Variants in CNTNAP2 observed in about 807,000 individuals in gnomAD.
The protein encoded by CNTNAP2 is contactin associated protein 2.
A neutral mutation model predicts 155.2 loss-of-function variants in CNTNAP2; 98 were observed. The ratio of observed to expected loss-of-function variants is 0.63; its 90% CI spans 0.54 to 0.75. The LOEUF (loss-of-function observed/expected upper bound fraction) is 0.75, where lower values mean the gene tolerates loss of function less well. CNTNAP2 is among the 30% of genes least tolerant of loss of function. CNTNAP2 has a pLI of 0.00. For missense variants in CNTNAP2, 1,727 were observed against 1,688.1 expected (o/e 1.02, Z -0.40); for synonymous variants, 651 against 631.2 (o/e 1.03, Z -0.47).
At chr7:146,954,641 C>T (rs1473767767) in intron 3 of CNTNAP2, among the ~76,000 whole-genome samples, 13 of 151,440 alleles carry the variant, frequency 8.6e-5, no homozygotes, top group African/African-American at 2.9e-4. Flanking sequence ...GTTTCTATAT[C>T]TTTTTGTTTT....
At chr7:146,516,915 C>T (rs1797550000) in intron 1 of CNTNAP2, among the ~76,000 whole-genome samples, 1 of 151,962 alleles carries the variant, frequency 6.6e-6, no homozygotes, top group South Asian at 2.1e-4. Context: ...GTAATTTAAT[C>T]CTCTTCTTCA....
At chr7:147,599,172 G>GTGAT in intron 12 of CNTNAP2, among the ~76,000 whole-genome samples, 1 of 152,122 alleles carries the variant, frequency 6.6e-6, no homozygotes, top group East Asian at 1.9e-4. Flanking sequence ...GTAAAGTTGA[G>GTGAT]TGATAGATTA....
chr7:147,459,299 T>C (rs924348540), intron 10 of CNTNAP2, among the ~76,000 whole-genome samples: 7 of 152,196 alleles, frequency 4.6e-5, no homozygotes, highest in Admixed American at 3.9e-4. Flanking sequence ...ACATTCTGCT[T>C]GAAAGCTGAG....
At chr7:146,567,132 C>T (rs1798369514) in intron 1 of CNTNAP2, among the ~76,000 whole-genome samples, 1 of 152,234 alleles carries the variant, frequency 6.6e-6, no homozygotes, top group Non-Finnish European at 1.5e-5. Context: ...ACTTCTGCCA[C>T]CCTTCTGTAA....
At chr7:147,126,766 C>G (rs1366686204) in intron 6 of CNTNAP2, among the ~76,000 whole-genome samples, 13 of 152,174 alleles carry the variant, frequency 8.5e-5, no homozygotes, top group African/African-American at 2.7e-4. Flanking sequence ...AGCCACCATG[C>G]CTGGCCCACC....
intron 12 of CNTNAP2, among the ~76,000 whole-genome samples, chr7:147,598,848 A>T (rs979611070): frequency 7.9e-5 from 12 of 152,054 alleles, no homozygotes; most frequent in African/African-American, 2.9e-4. Flanking sequence ...TGGTTTTATA[A>T]GGGGCTTTTC....
At chr7:148,332,806 C>T (rs563085891) in intron 21 of CNTNAP2, among the ~76,000 whole-genome samples, 4 of 152,234 alleles carry the variant, frequency 2.6e-5, no homozygotes, top group East Asian at 1.9e-4. Context: ...CAGGGCTCCA[C>T]GCTGGAAACG....
rs1554411723 is a variant in CNTNAP2 at position 148,283,254 on chromosome 7, A to AG, written c.3475+16128_3475+16129insG. ...AACTCTGTCTCAAAAAAAAAAAAAA[A>AG]AAAAGAAAGAAAGAAAGAAAGAAAG... On this transcript the variant is annotated intron_variant, in intron 21 of 23. Coordinates refer to ENST00000361727, the MANE Select transcript of CNTNAP2 (RefSeq NM_014141.6). Among the ~76,000 whole-genome samples, 118 of 64,034 alleles carry AG rather than the reference A, an allele frequency of 1.8e-3. 5 individuals carry two copies. Among genetic ancestry groups the AG allele is most frequent in the South Asian group, 0.015 (17 of 1,172 alleles). 42.0% of individuals were successfully genotyped at this position (64,034 alleles called of 152,430 possible).
intron 18 of CNTNAP2, among the ~76,000 whole-genome samples, chr7:148,204,488 G>A (rs202005135): frequency 1.3e-3 from 198 of 152,310 alleles, no homozygotes; most frequent in East Asian, 5.0e-3. Context: ...CATCAACTTC[G>A]ACTTTGAAAT....
intron 8 of CNTNAP2, among the ~76,000 whole-genome samples, chr7:147,280,838 A>G (rs1273718495): frequency 3.3e-5 from 5 of 151,908 alleles, no homozygotes; most frequent in African/African-American, 1.2e-4. Context: ...TTTCATTGTT[A>G]TTGTAGAAAT....
At position 146,225,350 on chromosome 7, in the gene CNTNAP2, G is replaced by T. The variant is rs868414915; in HGVS notation, c.97+108377G>T. On this transcript the variant is annotated intron_variant, in intron 1 of 23. Coordinates refer to ENST00000361727, the MANE Select transcript of CNTNAP2 (RefSeq NM_014141.6). The stretch of plus-strand genomic sequence containing the variant: ...CTTGAAAATATATCACATCCAGGAA[G>T]AATTTTTTAAACTGACAGGTGAAGT... 6.6e-5 allele frequency among the ~76,000 whole-genome samples: 10 copies of T among 152,300 alleles called. No individual in the cohort carries two copies. In the South Asian group the frequency reaches 2.1e-3, roughly 32 times the overall value.
At chr7:148,175,296 T>C (rs1454165147) in intron 18 of CNTNAP2, among the ~76,000 whole-genome samples, 2 of 152,206 alleles carry the variant, frequency 1.3e-5, no homozygotes, top group Non-Finnish European at 2.9e-5. Context: ...TCTAACATCA[T>C]TATTTTTTCT....
In CNTNAP2 at chr7:146,857,409, C is replaced by A. The variant is rs187054556; in HGVS notation, c.402+17505C>A. ...ATCCAGCATTAGAAACACATTACCACAGCTTGTATTCGTTTGTTTGTTTTA... is the reference window on the plus strand; with the variant it reads ...ATCCAGCATTAGAAACACATTACCAAAGCTTGTATTCGTTTGTTTGTTTTA... On this transcript the variant is annotated intron_variant, in intron 3 of 23. Coordinates refer to ENST00000361727, the MANE Select transcript of CNTNAP2 (RefSeq NM_014141.6). Among the ~76,000 whole-genome samples, 174 of 152,288 alleles carry A rather than the reference C, an allele frequency of 1.1e-3. 1 individual carries two copies. Among genetic ancestry groups the A allele is most frequent in the African/African-American group, 4.0e-3 (168 of 41,556 alleles).
intron 2 of CNTNAP2, among the ~76,000 whole-genome samples, chr7:146,775,195 G>A (rs1312084515): frequency 2.0e-5 from 3 of 152,078 alleles, no homozygotes; most frequent in African/African-American, 7.2e-5. Context: ...CTGTTAAAAG[G>A]TACAAAGTTT....
intron 3 of CNTNAP2, among the ~76,000 whole-genome samples, chr7:146,993,093 G>C (rs1157086629): frequency 6.6e-6 from 1 of 152,170 alleles, no homozygotes; most frequent in Non-Finnish European, 1.5e-5. Flanking sequence ...AATAGAGCAT[G>C]AGTAAAAGTT....
chr7:147,933,968 A>C (rs1256884822), intron 14 of CNTNAP2, among the ~76,000 whole-genome samples: 1 of 152,236 alleles, frequency 6.6e-6, no homozygotes, highest in Non-Finnish European at 1.5e-5. Context: ...CACAGAAGGC[A>C]AATACTGCAT....
chr7:146,898,496 CAAT>C (rs1170117181), intron 3 of CNTNAP2, among the ~76,000 whole-genome samples: 2 of 148,330 alleles, frequency 1.3e-5, no homozygotes, highest in Admixed American at 6.7e-5. Context: ...TTTAAAAAAA[CAAT>C]AATAATAATA....
intron 1 of CNTNAP2, among the ~76,000 whole-genome samples, chr7:146,707,806 T>G (rs1401509656): frequency 6.6e-6 from 1 of 152,198 alleles, no homozygotes; most frequent in East Asian, 1.9e-4. Context: ...AAAATAAGAA[T>G]GTGCATCTGT....
chr7:147,871,622 A>G (rs1362222683), intron 13 of CNTNAP2, among the ~76,000 whole-genome samples: 8 of 151,018 alleles, frequency 5.3e-5, no homozygotes, highest in Non-Finnish European at 1.0e-4. Context: ...TGAAGTGGGT[A>G]CAATTTCTTT....
Sources: allele counts gnomAD v4.1 joint callset (sites outside exome capture counted in the v4.1 genomes callset), GRCh38; gene constraint gnomAD v4.1.1; transcripts MANE v1.5; gene names NCBI Gene and HGNC (gene_info 2026-07-23, HGNC 2026-07-21).